Variants in RPL36AL observed in about 807,000 individuals in gnomAD.
The protein encoded by RPL36AL is ribosomal protein eL42-like.
A neutral mutation model predicts 7.9 loss-of-function variants in RPL36AL; 8 were observed. That is an observed-to-expected ratio of 1.02 (90% confidence interval 0.60 to 1.84). RPL36AL has a LOEUF of 1.84. Among genes scored for constraint, RPL36AL ranks in the 40% most tolerant of loss-of-function variants. The pLI is 0.00. For synonymous variants in RPL36AL, 44 were observed against 44.8 expected (o/e 0.98, Z 0.07); for missense variants, 76 against 126.8 (o/e 0.60, Z 1.93).
intron 1 of RPL36AL, 92 bp downstream of exon 1, chr14:49,620,468 TCG>T (rs2139564167): frequency 6.5e-6 from 1 of 153,316 alleles, no homozygotes; most frequent in African/African-American, 2.4e-5. Flanking sequence ...GCCATAGGTC[TCG>T]CCTTCCCTTT....
intron 1 of RPL36AL, among the ~76,000 whole-genome samples, chr14:49,619,618 G>A (rs1490425572): frequency 1.3e-5 from 2 of 148,766 alleles, no homozygotes. Context: ...CAACAACAGC[G>A]GAATTACGTC....
chr14:49,618,838 C>T lies in RPL36AL; in HGVS notation c.267G>A (p.Lys89=), dbSNP rs1594596732. The change falls in exon 2 of 2, where the codon AAG becomes AAA. Residue 89 remains lysine (K), a synonymous_variant. Coordinates refer to ENST00000298289, the MANE Select transcript of RPL36AL (RefSeq NM_001001.5). ...TCTTATCTCCTCCCAGTTCAAAATG[C>T]TTGCATCTCTTAATGGCCAGCATCC... ...SKRMLAIKRC[K]HFELGGDKKR... The T allele has an allele frequency of 6.2e-7, 1 of 1,612,292 alleles. No homozygotes were observed. The highest frequency in any genetic ancestry group is 2.2e-5 in the East Asian group (1 of 44,886).
chr14:49,618,928 C>CGGCT lies in RPL36AL; in HGVS notation c.176_177insAGCC (p.Lys61GlyfsTer2), dbSNP rs1882745729. 2 of 1,613,540 alleles carry CGGCT rather than the reference C, an allele frequency of 1.2e-6. No individual in the cohort carries two copies. The highest frequency in any genetic ancestry group is 1.7e-6 in the Non-Finnish European group (2 of 1,179,878). ...GCACAATCTTCTTTGTGGTCTTAGC[C>CGGCT]TTCTTCCGGAAAATTGGCTTTGTCT... On this transcript the variant is annotated frameshift_variant, in exon 2 of 2. Transcript: ENST00000298289. LOFTEE classifies it high-confidence loss of function.
rs1374766942 is a variant in RPL36AL, at chr14:49,619,218, G to A, written c.-36-78C>T. 5.7e-6 allele frequency: 5 copies of A among 884,550 alleles called. No individual in the cohort carries two copies. The East Asian group carries it at 1.0e-4, about 18-fold the overall frequency. 54.8% of individuals were successfully genotyped at this position (884,550 alleles called of 1,614,324 possible). A position where few individuals can be genotyped will look rare whatever the true frequency, so the allele number is the denominator to read the frequency against. Reference sequence around the variant, plus strand: ...GAAAGTGCTATACAAGTATATACAGGAAAACCGTACACATAAATGAGTAAT... The same window carrying A: ...GAAAGTGCTATACAAGTATATACAGAAAAACCGTACACATAAATGAGTAAT... On this transcript the variant is annotated intron_variant, in intron 1 of 1. Coordinates refer to ENST00000298289, the MANE Select transcript of RPL36AL (RefSeq NM_001001.5).
At chr14:49,619,955 G>A (rs946453059) in intron 1 of RPL36AL, among the ~76,000 whole-genome samples, 1 of 152,076 alleles carries the variant, frequency 6.6e-6, no homozygotes, top group Non-Finnish European at 1.5e-5. Flanking sequence ...GTCTCTCTGG[G>A]CCCGGCAAAT....
chr14:49,619,522 T>C (rs1317013389), intron 1 of RPL36AL, among the ~76,000 whole-genome samples: 3 of 148,890 alleles, frequency 2.0e-5, no homozygotes, highest in Non-Finnish European at 3.0e-5. Context: ...TGGTGGTGCA[T>C]ACCTGTAAGG....
rs1347173706 is a variant in RPL36AL at position 49,618,696 on chromosome 14, A to G, written c.*88T>C. 1.8e-6 allele frequency: 2 copies of G among 1,111,452 alleles called. No homozygotes were observed. Among genetic ancestry groups the G allele is most frequent in the Non-Finnish European group, 1.3e-6 (1 of 768,780 alleles). The allele number at this position is 1,111,452 out of a possible 1,614,324, so 68.8% of individuals were successfully genotyped here. A position where few individuals can be genotyped will look rare whatever the true frequency, so the allele number is the denominator to read the frequency against. Reference sequence around the variant, plus strand: ...GTAAAAACCACAAAAAGTTTGCGTAAGAATATCACTGTATTTATTTTCCCT... The same window carrying G: ...GTAAAAACCACAAAAAGTTTGCGTAGGAATATCACTGTATTTATTTTCCCT... On this transcript the variant is annotated 3_prime_UTR_variant, in exon 2 of 2. Coordinates refer to ENST00000298289, the MANE Select transcript of RPL36AL (RefSeq NM_001001.5).
At chr14:49,619,638 A>G (rs1882774887) in intron 1 of RPL36AL, among the ~76,000 whole-genome samples, 1 of 152,202 alleles carries the variant, frequency 6.6e-6, no homozygotes, top group African/African-American at 2.4e-5. Context: ...CTCAAAAAAA[A>G]AAAAGAACTG....
intron 1 of RPL36AL, among the ~76,000 whole-genome samples, chr14:49,620,180 A>AC (rs1882791632): frequency 6.6e-6 from 1 of 151,852 alleles, no homozygotes; most frequent in African/African-American, 2.4e-5. Context: ...AGTTTCTTTG[A>AC]CCCCCTTCCC....
At chr14:49,619,752 T>C (rs984923843) in intron 1 of RPL36AL, among the ~76,000 whole-genome samples, 1 of 152,096 alleles carries the variant, frequency 6.6e-6, no homozygotes, top group Non-Finnish European at 1.5e-5. Flanking sequence ...TGCAAGTGGG[T>C]TTTTAGAGGA....
chr14:49,619,586 C>T (rs903922417), intron 1 of RPL36AL, among the ~76,000 whole-genome samples: 1 of 151,836 alleles, frequency 6.6e-6, no homozygotes, highest in African/African-American at 2.4e-5. Flanking sequence ...GCCGAGATCG[C>T]ACCATTGCAC....
At chr14:49,619,620 A>T (rs1229922088) in intron 1 of RPL36AL, among the ~76,000 whole-genome samples, 1 of 147,914 alleles carries the variant, frequency 6.8e-6, no homozygotes, top group African/African-American at 2.5e-5. Flanking sequence ...ACAACAGCGG[A>T]ATTACGTCTC....
rs1297783129 is a variant in RPL36AL at position 49,620,300 on chromosome 14, T to G, written c.-37+262A>C. ...TCCTTCTACGAGAACCACATCAGCG[T>G]AGTATCACTTTTCCCCTCCGAAGCA... On this transcript the variant is annotated intron_variant, in intron 1 of 1. Coordinates refer to ENST00000298289, the MANE Select transcript of RPL36AL (RefSeq NM_001001.5). 4.6e-5 allele frequency among the ~76,000 whole-genome samples: 7 copies of G among 151,626 alleles called. No individual in the cohort carries two copies. The South Asian group carries it at 1.2e-3, about 27-fold the overall frequency.
At chr14:49,619,172 A>G in intron 1 of RPL36AL, 32 bp from the exon 2 acceptor site, 1 of 1,426,238 alleles carries the variant, frequency 7.0e-7, no homozygotes, top group Non-Finnish European at 9.5e-7. Context: ...AAGATAGCAG[A>G]CGTTAAACAT....
chr14:49,619,410 G>A (rs971165878), intron 1 of RPL36AL, among the ~76,000 whole-genome samples: 5 of 152,210 alleles, frequency 3.3e-5, no homozygotes, highest in African/African-American at 1.2e-4. Context: ...CACTTTGGGA[G>A]GCCGAGAAGG....
rs1185563356 is a variant in RPL36AL, at chr14:49,618,556, T to C, written c.*228A>G. 5.7e-6 allele frequency: 3 copies of C among 525,482 alleles called. No individual in the cohort carries two copies. The highest frequency in any genetic ancestry group is 3.8e-5 in the African/African-American group (2 of 52,154). 32.6% of individuals were successfully genotyped at this position (525,482 alleles called of 1,614,324 possible). ...CAATGTTTATGAATTCATTCAACAT[T>C]TGAAATTGACCAGAAAACAAAAAGT... is the stretch of plus-strand genomic sequence containing the variant. On this transcript the variant is annotated 3_prime_UTR_variant, in exon 2 of 2. Coordinates refer to ENST00000298289, the MANE Select transcript of RPL36AL (RefSeq NM_001001.5).
rs923020197 is a variant in RPL36AL, at chr14:49,620,588, C to T, written c.-63G>A. On this transcript the variant is annotated 5_prime_UTR_variant, in exon 1 of 2. Coordinates refer to ENST00000298289, the MANE Select transcript of RPL36AL (RefSeq NM_001001.5). ...GAGAAACAGCGCCCGACACCTGGCC[C>T]TTCGCAGCTCTCGCCTTTCGCAGCT... 5 of 204,356 alleles carry T rather than the reference C, an allele frequency of 2.4e-5. No homozygotes were observed. Among genetic ancestry groups the T allele is most frequent in the Non-Finnish European group, 4.9e-5 (5 of 101,594 alleles). 12.7% of individuals were successfully genotyped at this position (204,356 alleles called of 1,614,324 possible).
In RPL36AL at chr14:49,618,675, A is replaced by C; in HGVS notation, c.*109T>G. 1 of 885,154 alleles carries C rather than the reference A, an allele frequency of 1.1e-6. No individual in the cohort carries two copies. The highest frequency in any genetic ancestry group is 1.7e-6 in the Non-Finnish European group (1 of 576,410). 54.8% of individuals were successfully genotyped at this position (885,154 alleles called of 1,614,324 possible). A position where few individuals can be genotyped will look rare whatever the true frequency, so the allele number is the denominator to read the frequency against. On this transcript the variant is annotated 3_prime_UTR_variant, in exon 2 of 2. Coordinates refer to ENST00000298289, the MANE Select transcript of RPL36AL (RefSeq NM_001001.5). ...AACATGGAATTCTATTTATAAGTAAAAACCACAAAAAGTTTGCGTAAGAAT... is the reference window on the plus strand; with the variant it reads ...AACATGGAATTCTATTTATAAGTAACAACCACAAAAAGTTTGCGTAAGAAT...
Position 49,619,262 on chromosome 14 carries a change from C to G in RPL36AL, c.-36-122G>C, listed in dbSNP as rs73265701. ...GAGTAATATATAAATCCACCACGTA[C>G]TCTTTTTCCATATGAATAAACGCAC... On this transcript the variant is annotated intron_variant, in intron 1 of 1. Transcript: ENST00000298289. The G allele has an allele frequency of 2.4e-3, 1,470 of 621,358 alleles. 21 individuals carry two copies. The African/African-American group carries it at 0.024, about 10-fold the overall frequency. The allele number at this position is 621,358 out of a possible 1,614,324, so 38.5% of individuals were successfully genotyped here. A position where few individuals can be genotyped will look rare whatever the true frequency, so the allele number is the denominator to read the frequency against.
Sources: gnomAD v4.1 joint callset for allele counts (sites outside exome capture counted in the v4.1 genomes callset) on GRCh38, gnomAD v4.1.1 for gene constraint, MANE v1.5 for transcripts, NCBI Gene and HGNC (gene_info 2026-07-23, HGNC 2026-07-21) for gene names.